Variants in ADARB2 observed in about 807,000 individuals in gnomAD.
ADARB2 encodes adenosine deaminase RNA specific B2 (inactive).
A neutral mutation model predicts 62.2 loss-of-function variants in ADARB2; 25 were observed. That is an observed-to-expected ratio of 0.40 (90% CI 0.29 to 0.56). The LOEUF (loss-of-function observed/expected upper bound fraction) is 0.56, where lower values mean the gene tolerates loss of function less well. Ranked by LOEUF, ADARB2 falls within the 20% of genes least tolerant of loss-of-function variation. The pLI, the probability that ADARB2 is intolerant of heterozygous loss-of-function variation, is 0.43. For synonymous variants in ADARB2, 572 were observed against 500.8 expected, an observed-to-expected ratio of 1.14 and a Z score of -1.90; for missense variants, 1,071 against 1,077.4, an observed-to-expected ratio of 0.99 and a Z score of 0.08.
chr10:1,732,978 C>CA (rs1370390935), intron 1 of ADARB2, among the ~76,000 whole-genome samples: 2 of 152,230 alleles, frequency 1.3e-5, no homozygotes, highest in Non-Finnish European at 2.9e-5. Flanking sequence ...ACCTCGTGCT[C>CA]AAAATGTATT....
chr10:1,697,334 C>G (rs973338842), intron 1 of ADARB2, among the ~76,000 whole-genome samples: 1 of 152,194 alleles, frequency 6.6e-6, no homozygotes, highest in Non-Finnish European at 1.5e-5. Context: ...GTCTTCTCCC[C>G]TCTTGTCTTC....
chr10:1,464,816 G>T (rs1171210854), intron 1 of ADARB2, among the ~76,000 whole-genome samples: 1 of 151,802 alleles, frequency 6.6e-6, no homozygotes, highest in South Asian at 2.1e-4. Flanking sequence ...CACACGCACT[G>T]GGGGCAGTCA....
At chr10:1,458,248 C>T (rs927122437) in intron 1 of ADARB2, among the ~76,000 whole-genome samples, 5 of 152,096 alleles carry the variant, frequency 3.3e-5, no homozygotes, top group African/African-American at 4.8e-5. Context: ...AAATTTCTTG[C>T]GAATACTTCC....
At chr10:1,599,783 G>A (rs2676741) in intron 1 of ADARB2, among the ~76,000 whole-genome samples, 20,958 of 151,996 alleles carry the variant, frequency 0.14, 1,509 homozygotes, top group African/African-American at 0.17. Flanking sequence ...CTCTGTTGCC[G>A]AGGCTGGAGT....
At chr10:1,548,559 C>A (rs1832561461) in intron 1 of ADARB2, among the ~76,000 whole-genome samples, 2 of 152,174 alleles carry the variant, frequency 1.3e-5, no homozygotes, top group South Asian at 2.1e-4. Flanking sequence ...CCAAGATACC[C>A]CAGAGGCAGT....
At chr10:1,614,870 C>T (rs543167532) in intron 1 of ADARB2, among the ~76,000 whole-genome samples, 3 of 151,048 alleles carry the variant, frequency 2.0e-5, no homozygotes, top group African/African-American at 7.3e-5. Flanking sequence ...GAGATCGCGC[C>T]AGTGCACTCC....
rs540383924 is a variant in ADARB2 at position 1,333,967 on chromosome 10, G to A, written c.1077+29061C>T. On this transcript the variant is annotated intron_variant, in intron 3 of 9. Transcript: ENST00000381312. The stretch of plus-strand genomic sequence containing the variant: ...CCCAGTGGTCTTTTTACAAACGCCC[G>A]TAGCCCCATTATAGAAATGCTTACA... 8.8e-4 allele frequency among the ~76,000 whole-genome samples: 134 copies of A among 152,280 alleles called. 1 individual carries two copies. In the South Asian group the frequency reaches 0.02, roughly 23 times the overall value.
At chr10:1,226,241 G>A (rs1323945608) in intron 6 of ADARB2, among the ~76,000 whole-genome samples, 1 of 152,198 alleles carries the variant, frequency 6.6e-6, no homozygotes, top group Non-Finnish European at 1.5e-5. Context: ...TAGCTCTCGT[G>A]CCTTGATTTT....
intron 3 of ADARB2, among the ~76,000 whole-genome samples, chr10:1,332,889 T>C (rs1831942519): frequency 6.6e-6 from 1 of 152,244 alleles, no homozygotes; most frequent in Non-Finnish European, 1.5e-5. Flanking sequence ...AGTTACCGTT[T>C]TCCCTCTCTC....
chr10:1,681,743 T>C (rs1040502667), intron 1 of ADARB2, among the ~76,000 whole-genome samples: 2 of 152,200 alleles, frequency 1.3e-5, no homozygotes, highest in Non-Finnish European at 2.9e-5. Flanking sequence ...CCAGTCCAAC[T>C]TCACAATGGG....
chr10:1,386,726 C>T (rs535167527), intron 1 of ADARB2, among the ~76,000 whole-genome samples: 1 of 151,904 alleles, frequency 6.6e-6, no homozygotes, highest in East Asian at 1.9e-4. Context: ...TAACATTCCT[C>T]CCCTAGTTAC....
At chr10:1,194,956 A>G (rs1836889764) in intron 8 of ADARB2, among the ~76,000 whole-genome samples, 2 of 152,128 alleles carry the variant, frequency 1.3e-5, no homozygotes, top group South Asian at 2.1e-4. Context: ...AATTTTTTGT[A>G]GAGTTATTTT....
intron 1 of ADARB2, among the ~76,000 whole-genome samples, chr10:1,510,152 CTTT>C (rs1831915874): frequency 8.2e-6 from 1 of 121,334 alleles, no homozygotes; most frequent in Non-Finnish European, 1.7e-5. Context: ...TTCTTTCTTT[CTTT>C]CTTTCTTTCT....
chr10:1,554,467 C>T (rs1832673134), intron 1 of ADARB2, among the ~76,000 whole-genome samples: 1 of 152,120 alleles, frequency 6.6e-6, no homozygotes, highest in Non-Finnish European at 1.5e-5. Context: ...CACCAAGAAC[C>T]TCTGCCCCGG....
chr10:1,463,901 C>T (rs1831209205), intron 1 of ADARB2, among the ~76,000 whole-genome samples: 1 of 152,178 alleles, frequency 6.6e-6, no homozygotes, highest in South Asian at 2.1e-4. Context: ...CCGAAGAAGA[C>T]ATATGAGAGA....
chr10:1,470,832 G>T (rs956285796), intron 1 of ADARB2, among the ~76,000 whole-genome samples: 1 of 152,140 alleles, frequency 6.6e-6, no homozygotes. Context: ...AGGCTGAGGC[G>T]GGTGGATCAC....
chr10:1,276,936 C>T (rs1431243409), intron 3 of ADARB2, among the ~76,000 whole-genome samples: 1 of 152,234 alleles, frequency 6.6e-6, no homozygotes, highest in Admixed American at 6.5e-5. Flanking sequence ...CAAACTGGAA[C>T]TCAGGATTAA....
chr10:1,478,036 A>C lies in ADARB2; in HGVS notation c.101-98876T>G, dbSNP rs367759221. Among the ~76,000 whole-genome samples the C allele has an allele frequency of 3.6e-4, 55 of 152,212 alleles. No individual in the cohort carries two copies. In the South Asian group the frequency reaches 4.8e-3, roughly 13 times the overall value. On this transcript the variant is annotated intron_variant, in intron 1 of 9. Coordinates refer to ENST00000381312, the MANE Select transcript of ADARB2 (RefSeq NM_018702.4). ...CCCTGTGAAAAACCCGACTGCAGCA[A>C]ACCTCCCCGAGCCTTTACTGAGCTG...
At chr10:1,323,420 C>T (rs1831814184) in intron 3 of ADARB2, among the ~76,000 whole-genome samples, 2 of 152,142 alleles carry the variant, frequency 1.3e-5, no homozygotes, top group East Asian at 1.9e-4. Context: ...TAGTGTGGTG[C>T]AATTCTTAAC....
Sources: gnomAD v4.1 joint callset for allele counts (sites outside exome capture counted in the v4.1 genomes callset) on GRCh38, gnomAD v4.1.1 for gene constraint, MANE v1.5 for transcripts, NCBI Gene and HGNC (gene_info 2026-07-23, HGNC 2026-07-21) for gene names.